ZNF655: variants seen among roughly 807,000 people sequenced by gnomAD.
ZNF655 encodes Vav-interacting Kruppel-like protein 1.
In ZNF655, 3 loss-of-function variants were observed where a neutral mutation model predicts 6.6. The observed-to-expected ratio is 0.46, with a 90% CI of 0.21 to 1.18. ZNF655 has a LOEUF of 1.18. Ranked by LOEUF, ZNF655 falls within the 50% of genes most tolerant of loss-of-function variation. The pLI is 0.24. For synonymous variants in ZNF655, 178 were observed against 195.0 expected (o/e 0.91, Z 0.73); for missense variants, 526 against 572.3 (o/e 0.92, Z 0.83).
rs1440618332 is a variant in ZNF655, at chr7:99,573,399, A to T, written c.1291A>T (p.Arg431Trp). 3 of 1,614,202 alleles carry T rather than the reference A, an allele frequency of 1.9e-6. No homozygotes were observed. Among genetic ancestry groups the T allele is most frequent in the Non-Finnish European group, 1.7e-6 (2 of 1,180,016 alleles). ...CCTTATTCAGCATCACAAAATGCAT[A>T]GGAAAGAGAAATCGTATGAATGTAA... The part of the protein sequence containing the change: ...SCLIQHHKMH[R>W]KEKSYECNEY... Residue 431 changes from arginine to tryptophan, a missense_variant, in exon 3 of 3, where the codon AGG (arginine) becomes TGG (tryptophan). Transcript: ENST00000252713.
chr7:99,562,485 G>T, intron 2 of ZNF655: 1 of 1,612,346 alleles, frequency 6.2e-7, no homozygotes, highest in Non-Finnish European at 8.5e-7. Context: ...TGGGAACGTG[G>T]TCTCACTGGG....
chr7:99,562,482 G>A (rs765892283), intron 2 of ZNF655: 17 of 1,612,916 alleles, frequency 1.1e-5, no homozygotes, highest in Admixed American at 1.7e-5. Context: ...TTATGGGAAC[G>A]TGGTCTCACT....
At position 99,573,142 on chromosome 7, in the gene ZNF655, T is replaced by TA. The variant is rs770654808; in HGVS notation, c.1035dup (p.Leu346ThrfsTer2). ...AGTGACTTCTGCCATACTTCATACCTACTTGAACATCAGAGGGTCCATCAT... is the reference window on the plus strand; with the variant it reads ...AGTGACTTCTGCCATACTTCATACCTAACTTGAACATCAGAGGGTCCATCAT... On this transcript the variant is annotated frameshift_variant, in exon 3 of 3. Transcript: ENST00000252713. LOFTEE classifies it low-confidence loss of function (END_TRUNC). The TA allele has an allele frequency of 3.7e-6, 6 of 1,614,134 alleles. No homozygotes were observed.
Position 99,573,626 on chromosome 7 carries a change from A to G in ZNF655, c.*42A>G. ...AAGATATTTATCAAATTCAGGCTTC[A>G]TTCAGCATCTGAGAGTTCACACCAG... On this transcript the variant is annotated 3_prime_UTR_variant, in exon 3 of 3. Transcript: ENST00000252713. The G allele has an allele frequency of 6.4e-7, 1 of 1,567,610 alleles. No individual in the cohort carries two copies. The highest frequency in any genetic ancestry group is 8.6e-7 in the Non-Finnish European group (1 of 1,164,108).
intron 2 of ZNF655, chr7:99,562,499 G>A (rs1803273985): frequency 6.2e-7 from 1 of 1,606,884 alleles, no homozygotes; most frequent in African/African-American, 1.3e-5. Flanking sequence ...CACTGGGTAA[G>A]GACTTCCTTA....
At chr7:99,566,600 C>A (rs1339640026) in intron 2 of ZNF655, among the ~76,000 whole-genome samples, 1 of 152,156 alleles carries the variant, frequency 6.6e-6, no homozygotes, top group Non-Finnish European at 1.5e-5. Flanking sequence ...TCTTGTTGCC[C>A]AGGCTAGAAT....
At chr7:99,563,083 TA>T in intron 2 of ZNF655, 1 of 385,176 alleles carries the variant, frequency 2.6e-6, no homozygotes. Context: ...CCCAGAATGG[TA>T]ATCCCACGTA....
At chr7:99,561,633 C>T (rs1803181142) in intron 2 of ZNF655, among the ~76,000 whole-genome samples, 1 of 152,188 alleles carries the variant, frequency 6.6e-6, no homozygotes, top group Non-Finnish European at 1.5e-5. Context: ...TGTAAGAGGA[C>T]TGTCATGTGA....
chr7:99,566,697 A>G (rs1202899079), intron 2 of ZNF655, among the ~76,000 whole-genome samples: 1 of 152,048 alleles, frequency 6.6e-6, no homozygotes, highest in South Asian at 2.1e-4. Flanking sequence ...GGTAGCTGGG[A>G]CTATAGGCCT....
chr7:99,565,784 G>A, intron 2 of ZNF655, among the ~76,000 whole-genome samples: 1 of 152,154 alleles, frequency 6.6e-6, no homozygotes, highest in East Asian at 1.9e-4. Flanking sequence ...AAGCATGCTT[G>A]TTAAAATTCT....
chr7:99,564,554 G>A, intron 2 of ZNF655: 1 of 985,610 alleles, frequency 1.0e-6, no homozygotes, highest in African/African-American at 1.7e-5. Context: ...TGTCCTTGAT[G>A]GAGGGGAGAA....
At position 99,573,758 on chromosome 7, in the gene ZNF655, A is replaced by G. The variant is rs1429186458; in HGVS notation, c.*174A>G. 1 of 724,786 alleles carries G rather than the reference A, an allele frequency of 1.4e-6. No homozygotes were observed. The highest frequency in any genetic ancestry group is 1.8e-5 in the African/African-American group (1 of 56,050). 44.9% of individuals were successfully genotyped at this position (724,786 alleles called of 1,614,324 possible). A position where few individuals can be genotyped will look rare whatever the true frequency, so the allele number is the denominator to read the frequency against. On this transcript the variant is annotated 3_prime_UTR_variant, in exon 3 of 3. Coordinates refer to ENST00000252713, the MANE Select transcript of ZNF655 (RefSeq NM_138494.3). The stretch of plus-strand genomic sequence containing the variant: ...GAGAGAAACCCTCTGAATGTGACGA[A>G]TGAAGAAAAGGTATTAGTGTTAAAC...
chr7:99,560,895 A>G (rs2151144703), intron 2 of ZNF655, 200 bp downstream of exon 2: 1 of 495,262 alleles, frequency 2.0e-6, no homozygotes, highest in Non-Finnish European at 3.3e-6. Context: ...ATCTTTCTCA[A>G]ATAAGCAGAG....
intron 2 of ZNF655, chr7:99,563,083 T>G (rs930260077): frequency 2.0e-4 from 77 of 385,176 alleles, no homozygotes; most frequent in African/African-American, 1.6e-3. Flanking sequence ...CCCAGAATGG[T>G]AATCCCACGT....
rs1423136221 is a variant in ZNF655, at chr7:99,575,004, C to G, written c.*1420C>G. ...GTCCAATATAAGTATGAAGGATTCT[C>G]TCTCCTGAGATTGTAGCAGGCAGCC... On this transcript the variant is annotated 3_prime_UTR_variant, in exon 3 of 3. Coordinates refer to ENST00000252713, the MANE Select transcript of ZNF655 (RefSeq NM_138494.3). 2.6e-5 allele frequency: 4 copies of G among 152,576 alleles called. No homozygotes were observed. The highest frequency in any genetic ancestry group is 9.7e-5 in the African/African-American group (4 of 41,440). The allele number at this position is 152,576 out of a possible 1,614,324, so 9.5% of individuals were successfully genotyped here.
rs541722893 is a variant in ZNF655, at chr7:99,574,773, C to G, written c.*1189C>G. On this transcript the variant is annotated 3_prime_UTR_variant, in exon 3 of 3. Transcript: ENST00000252713. The stretch of plus-strand genomic sequence containing the variant: ...CTGCTCTTTACTAGGGATCTTATGT[C>G]GTATTGCTTTACAGCCACAACACTT... 1.8e-4 allele frequency: 27 copies of G among 152,238 alleles called. No homozygotes were observed. In the South Asian group the frequency reaches 5.6e-3, roughly 32 times the overall value. The allele number at this position is 152,238 out of a possible 1,614,324, so 9.4% of individuals were successfully genotyped here.
intron 2 of ZNF655, among the ~76,000 whole-genome samples, chr7:99,569,569 T>G (rs1300001733): frequency 1.3e-5 from 2 of 152,226 alleles, no homozygotes; most frequent in Non-Finnish European, 2.9e-5. Flanking sequence ...GGCAAGCTAC[T>G]TAACCACTCT....
intron 2 of ZNF655, 129 bp downstream of exon 2, chr7:99,560,824 A>G (rs1412410911): frequency 4.2e-6 from 5 of 1,180,826 alleles, no homozygotes; most frequent in Non-Finnish European, 5.9e-6. Context: ...GGAGGAATGA[A>G]AGAGGGGGCA....
At position 99,572,449 on chromosome 7, in the gene ZNF655, G is replaced by C. The variant is rs371051904; in HGVS notation, c.341G>C (p.Arg114Thr). The C allele has an allele frequency of 5.5e-5, 88 of 1,613,652 alleles. No homozygotes were observed. The highest frequency in any genetic ancestry group is 7.4e-5 in the Non-Finnish European group (87 of 1,179,912). ...TTTCTGTACCTGGAGAGAGAGTTTAGGCAAATAACAATCAGCAAGGAAACC... is the reference window on the plus strand; with the variant it reads ...TTTCTGTACCTGGAGAGAGAGTTTACGCAAATAACAATCAGCAAGGAAACC... ...RKFLYLEREF[R>T]QITISKETFT... Residue 114 changes from arginine (R) to threonine (T), a missense_variant, in exon 3 of 3, where the codon AGG becomes ACG. Arg to Thr is a moderately conservative substitution (Grantham distance 71). Coordinates refer to ENST00000252713, the MANE Select transcript of ZNF655 (RefSeq NM_138494.3).
Sources: allele counts gnomAD v4.1 joint callset (sites outside exome capture counted in the v4.1 genomes callset), GRCh38; gene constraint gnomAD v4.1.1; transcripts MANE v1.5; gene names NCBI Gene and HGNC (gene_info 2026-07-23, HGNC 2026-07-21).